The following PHACTR1 variants were observed in gnomAD, a reference collection of about 807,000 sequenced individuals.
The protein encoded by PHACTR1 is phosphatase and actin regulator 1.
PHACTR1 carries 16 observed loss-of-function variants against 69.2 expected under a neutral mutation model. The ratio of observed to expected loss-of-function variants is 0.23; its 90% CI spans 0.16 to 0.35. The LOEUF is 0.35. Ranked by LOEUF, PHACTR1 falls within the 10% of genes least tolerant of loss-of-function variation. The pLI is 1.00. For missense variants in PHACTR1, 510 were observed against 734.7 expected (o/e 0.69, Z 3.54); for synonymous variants, 312 against 284.5 (o/e 1.10, Z -0.97).
At chr6:12,725,159 C>T (rs753347531) in intron 3 of PHACTR1, among the ~76,000 whole-genome samples, 5 of 152,186 alleles carry the variant, frequency 3.3e-5, no homozygotes, top group African/African-American at 4.8e-5. Context: ...TCTCCCCTCA[C>T]GCCTCCACCC....
chr6:13,056,120 A>G (rs1806744243), intron 5 of PHACTR1, among the ~76,000 whole-genome samples: 1 of 152,232 alleles, frequency 6.6e-6, no homozygotes, highest in African/African-American at 2.4e-5. Context: ...TAGTTTTAAA[A>G]AAGTTGGCCA....
rs1246586716 is a variant in PHACTR1 at position 13,287,197 on chromosome 6, T to TA, written c.*124dup. The TA allele has an allele frequency of 8.8e-6, 9 of 1,020,014 alleles. No homozygotes were observed. Among genetic ancestry groups the TA allele is most frequent in the South Asian group, 4.8e-5 (3 of 62,338 alleles). 63.2% of individuals were successfully genotyped at this position (1,020,014 alleles called of 1,614,324 possible). A position where few individuals can be genotyped will look rare whatever the true frequency, so the allele number is the denominator to read the frequency against. Reference sequence around the variant, plus strand: ...TAAATCTTCTGAACTGCCTTTTTTTTAAAAAGAAGAAAAATCAAGGAAACA... The same window carrying TA: ...TAAATCTTCTGAACTGCCTTTTTTTTAAAAAAGAAGAAAAATCAAGGAAACA... On this transcript the variant is annotated 3_prime_UTR_variant, in exon 15 of 15. Coordinates refer to ENST00000332995, the MANE Select transcript of PHACTR1 (RefSeq NM_030948.6).
At chr6:12,829,400 G>T (rs1462781563) in intron 4 of PHACTR1, among the ~76,000 whole-genome samples, 1 of 152,200 alleles carries the variant, frequency 6.6e-6, no homozygotes, top group African/African-American at 2.4e-5. Context: ...GGACCAAATT[G>T]TTGCCTCAGG....
In PHACTR1 at chr6:12,798,665, G is replaced by C. The variant is rs544829224; in HGVS notation, c.250+48875G>C. On this transcript the variant is annotated intron_variant, in intron 4 of 14. Transcript: ENST00000332995. ...TTTCTAAGTGGGGGTGTGGTGACTT[G>C]TCCTGTATGCTTTGGATGGTCGCTG... Among the ~76,000 whole-genome samples, 3 of 152,326 alleles carry C rather than the reference G, an allele frequency of 2.0e-5. No individual in the cohort carries two copies. The East Asian group carries it at 5.8e-4, about 29-fold the overall frequency.
chr6:12,782,703 C>T (rs1287338429), intron 4 of PHACTR1, among the ~76,000 whole-genome samples: 1 of 151,962 alleles, frequency 6.6e-6, no homozygotes, highest in Admixed American at 6.6e-5. Context: ...AATGGCCAGC[C>T]ATAGAATTAA....
At chr6:13,190,308 TACAGGCGTGAGCCACCAAGCCCGGCTTG>T (rs1258388901) in intron 7 of PHACTR1, among the ~76,000 whole-genome samples, 7 of 150,042 alleles carry the variant, frequency 4.7e-5, no homozygotes, top group Admixed American at 6.7e-5. Flanking sequence ...ATGCTGGGAT[TACAGGCGTGAGCCACCAAGCCCGGCTTG>T]ATGTCTCTTC....
intron 5 of PHACTR1, among the ~76,000 whole-genome samples, chr6:13,123,709 A>G (rs975734259): frequency 2.6e-5 from 4 of 152,200 alleles, no homozygotes; most frequent in Non-Finnish European, 5.9e-5. Flanking sequence ...AAACAGAAAA[A>G]AGAACAGCAG....
At chr6:12,870,122 A>G (rs952635551) in intron 4 of PHACTR1, among the ~76,000 whole-genome samples, 10 of 109,424 alleles carry the variant, frequency 9.1e-5, no homozygotes, top group African/African-American at 2.9e-4. Context: ...AAGGACATGG[A>G]AAAAAAAAAA....
At chr6:12,777,239 A>T (rs551465730) in intron 4 of PHACTR1, among the ~76,000 whole-genome samples, 6,324 of 107,450 alleles carry the variant, frequency 0.059, 143 homozygotes, top group African/African-American at 0.085. Flanking sequence ...ATATATATAT[A>T]TATTTTTTTA....
intron 5 of PHACTR1, 131 bp downstream of exon 5, chr6:13,053,660 G>A: frequency 8.8e-7 from 1 of 1,133,742 alleles, no homozygotes; most frequent in Non-Finnish European, 1.2e-6. Context: ...AATGGCTCTT[G>A]TCTTTAAAAT....
intron 5 of PHACTR1, among the ~76,000 whole-genome samples, chr6:13,100,923 T>C (rs1815058083): frequency 6.6e-6 from 1 of 152,194 alleles, no homozygotes; most frequent in Non-Finnish European, 1.5e-5. Context: ...CAGATAGTAG[T>C]ATACAGTACA....
chr6:13,170,331 G>A (rs1760412979), intron 6 of PHACTR1, among the ~76,000 whole-genome samples: 1 of 152,162 alleles, frequency 6.6e-6, no homozygotes, highest in Non-Finnish European at 1.5e-5. Context: ...GCTGCATGAT[G>A]TAAATTCATA....
chr6:12,908,368 A>G (rs1386028511), intron 4 of PHACTR1, among the ~76,000 whole-genome samples: 1 of 152,238 alleles, frequency 6.6e-6, no homozygotes, highest in Admixed American at 6.5e-5. Flanking sequence ...CCTATTATAG[A>G]TGAAGCAGTG....
chr6:13,115,110 A>G (rs6458639), intron 5 of PHACTR1, among the ~76,000 whole-genome samples: 42,326 of 152,102 alleles, frequency 0.28, 6,179 homozygotes, highest in South Asian at 0.46. Flanking sequence ...GTTGGGACCA[A>G]TGCCCTCATT....
intron 5 of PHACTR1, among the ~76,000 whole-genome samples, chr6:13,120,847 T>G (rs554572069): frequency 6.6e-6 from 1 of 152,350 alleles, no homozygotes; most frequent in South Asian, 2.1e-4. Context: ...GAGAAAACTT[T>G]TACCCAGCAT....
At chr6:13,146,595 G>C (rs1004677367) in intron 5 of PHACTR1, among the ~76,000 whole-genome samples, 2 of 152,158 alleles carry the variant, frequency 1.3e-5, no homozygotes, top group African/African-American at 4.8e-5. Flanking sequence ...CATTAACTTG[G>C]CACCACAAAA....
rs1766336305 is a variant in PHACTR1, at chr6:12,749,775, T to C, written c.235T>C (p.Phe79Leu). 7 of 1,604,300 alleles carry C rather than the reference T, an allele frequency of 4.4e-6. No individual in the cohort carries two copies. Among genetic ancestry groups the C allele is most frequent in the Non-Finnish European group, 6.0e-6 (7 of 1,175,528 alleles). ...TPYLAEARIS[F>L]NLGAAEEVER... ...GTACCTCGCAGAGGCCAGGATCTCC[T>C]TTAACCTGGGGGCAGGTAAGAACGC... The change falls in exon 4 of 15, where the codon TTT becomes CTT. Residue 79 changes from phenylalanine (F) to leucine (L), a missense_variant. Physicochemically the swap from Phe to Leu is conservative, Grantham distance 22 (BLOSUM62 0). Coordinates refer to ENST00000332995, the MANE Select transcript of PHACTR1 (RefSeq NM_030948.6).
intron 5 of PHACTR1, among the ~76,000 whole-genome samples, chr6:13,082,447 A>T (rs187946056): frequency 6.6e-6 from 1 of 152,314 alleles, no homozygotes; most frequent in East Asian, 1.9e-4. Flanking sequence ...GATAGTCCCC[A>T]AAAGAAATGT....
chr6:13,260,031 C>T (rs886583867), intron 10 of PHACTR1, among the ~76,000 whole-genome samples: 2 of 152,198 alleles, frequency 1.3e-5, no homozygotes, highest in Non-Finnish European at 1.5e-5. Context: ...CCAGCATTCT[C>T]ATTCATCCCA....
Sources: allele counts gnomAD v4.1 joint callset (sites outside exome capture counted in the v4.1 genomes callset), GRCh38; gene constraint gnomAD v4.1.1; transcripts MANE v1.5; gene names NCBI Gene and HGNC (gene_info 2026-07-23, HGNC 2026-07-21).